The following ANAPC5 variants were observed in gnomAD, a reference collection of about 807,000 sequenced individuals.
ANAPC5 encodes the protein anaphase-promoting complex subunit 5.
ANAPC5 carries 60 observed loss-of-function variants against 91.3 expected under a neutral mutation model. The observed-to-expected ratio is 0.66, with a 90% CI of 0.53 to 0.81. The LOEUF (loss-of-function observed/expected upper bound fraction) is 0.81. Among genes scored for constraint, ANAPC5 ranks in the 40% least tolerant of loss-of-function variants. The pLI is 0.00. For missense variants in ANAPC5, 690 were observed against 931.5 expected, an observed-to-expected ratio of 0.74 and a Z score of 3.37; for synonymous variants, 340 against 364.1, an observed-to-expected ratio of 0.93 and a Z score of 0.75.
rs1446322594 is a variant in ANAPC5 at position 121,342,260 on chromosome 12, G to A, written c.591-191C>T. 6.6e-6 allele frequency among the ~76,000 whole-genome samples: 1 copy of A among 152,192 alleles called. No individual in the cohort carries two copies. The highest frequency in any genetic ancestry group is 2.4e-5 in the African/African-American group (1 of 41,454). The stretch of plus-strand genomic sequence containing the variant: ...AGAGCCCATAAAGAAGCCCTGGCAT[G>A]CATGGTCAAATGGTTTTTGGCAACA... On this transcript the variant is annotated intron_variant, in intron 4 of 16. Coordinates refer to ENST00000261819, the MANE Select transcript of ANAPC5 (RefSeq NM_016237.5). The surrounding 1 kb of genome is among the most constrained non-coding windows in gnomAD (Gnocchi z 4.1).
intron 2 of ANAPC5, 144 bp downstream of exon 2, chr12:121,347,658 A>G (rs1903723060): frequency 1.6e-6 from 1 of 642,074 alleles, no homozygotes; most frequent in Non-Finnish European, 2.7e-6. Context: ...ATTTTTCAAC[A>G]AAACAGAATT....
chr12:121,320,568 A>G, intron 11 of ANAPC5, 109 bp from the exon 12 acceptor site: 1 of 814,800 alleles, frequency 1.2e-6, no homozygotes, highest in African/African-American at 1.7e-5. Context: ...TGATGCAGCA[A>G]CCTGAGAGAT....
intron 16 of ANAPC5, 89 bp downstream of exon 16, chr12:121,309,612 C>T: frequency 6.9e-7 from 1 of 1,456,702 alleles, no homozygotes; most frequent in Non-Finnish European, 9.2e-7. Flanking sequence ...AATGCTGTCC[C>T]AAATTTAATG....
chr12:121,333,083 A>ACGCG (rs1903103022), intron 7 of ANAPC5: 1 of 152,238 alleles, frequency 6.6e-6, no homozygotes, highest in African/African-American at 2.4e-5. Context: ...TGGGAGGCCG[A>ACGCG]GGCAGGTGGA....
chr12:121,343,040 T>A (rs751428382), intron 4 of ANAPC5, among the ~76,000 whole-genome samples: 1 of 152,332 alleles, frequency 6.6e-6, no homozygotes, highest in Non-Finnish European at 1.5e-5. Context: ...ATTTTCACGA[T>A]GAAATTCAGT....
chr12:121,315,494 A>G lies in ANAPC5; in HGVS notation c.1893+2783T>C, dbSNP rs138450820. ...CTGAATAGCCAAAACAATCCTGAAA[A>G]AGAACAAAGACTCCCACTTCCTGAT... On this transcript the variant is annotated intron_variant, in intron 15 of 16. Transcript: ENST00000261819. Among the ~76,000 whole-genome samples, 837 of 130,730 alleles carry G rather than the reference A, an allele frequency of 6.4e-3. 3 individuals are homozygous for G. Among genetic ancestry groups the G allele is most frequent in the Non-Finnish European group, 9.0e-3 (606 of 67,216 alleles). 85.8% of individuals were successfully genotyped at this position (130,730 alleles called of 152,430 possible). A position where few individuals can be genotyped will look rare whatever the true frequency, so the allele number is the denominator to read the frequency against.
intron 11 of ANAPC5, 97 bp downstream of exon 11, chr12:121,326,999 G>A: frequency 3.4e-6 from 5 of 1,459,290 alleles, no homozygotes; most frequent in Non-Finnish European, 4.5e-6. Context: ...GAGCAGAACT[G>A]TCCAACACGT....
chr12:121,351,444 C>T (rs1903888491), intron 1 of ANAPC5, among the ~76,000 whole-genome samples: 1 of 151,722 alleles, frequency 6.6e-6, no homozygotes. Context: ...TCAATCAGTG[C>T]TCGTCCTTGG....
rs573510864 is a variant in ANAPC5 at position 121,342,282 on chromosome 12, A to G, written c.591-213T>C. Among the ~76,000 whole-genome samples the G allele has an allele frequency of 6.6e-6, 1 of 152,314 alleles. No homozygotes were observed. Among genetic ancestry groups the G allele is most frequent in the South Asian group, 2.1e-4 (1 of 4,826 alleles). ...CATGCATGGTCAAATGGTTTTTGGC[A>G]ACAGTGCCAAGACCATTTGATAGGG... On this transcript the variant is annotated intron_variant, in intron 4 of 16. Transcript: ENST00000261819. This position sits in a 1 kb window ranked among gnomAD's most constrained non-coding sequence, Gnocchi z 4.1.
chr12:121,328,583 A>G (rs1902907836), intron 9 of ANAPC5, 86 bp from the exon 10 acceptor site: 1 of 1,246,800 alleles, frequency 8.0e-7, no homozygotes, highest in Non-Finnish European at 1.1e-6. Flanking sequence ...TGGATTTCAC[A>G]TTTCAGCACA....
rs782082076 is a variant in ANAPC5 at position 121,337,348 on chromosome 12, A to T, written c.702T>A (p.Ala234=). 3 of 1,613,950 alleles carry T rather than the reference A, an allele frequency of 1.9e-6. No homozygotes were observed. The change falls in exon 6 of 17, where the codon GCT becomes GCA. Residue 234 remains alanine, a synonymous_variant. Transcript: ENST00000261819. ...AATTGTTTAATTCCTTCTGCAAGGA[A>T]GCTGGAGTGAGGGCCTTAGTCTCAT... ...KNDETKALTP[A]SLQKELNNLL...
chr12:121,353,569 T>C (rs1160076213), upstream of ANAPC5, among the ~76,000 whole-genome samples: 3 of 151,876 alleles, frequency 2.0e-5, no homozygotes, highest in East Asian at 1.9e-4. Flanking sequence ...GCCTACCGAG[T>C]AGCTGGGACT....
intron 6 of ANAPC5, 79 bp from the exon 7 acceptor site, chr12:121,335,802 C>T (rs1903213103): frequency 5.8e-6 from 7 of 1,206,620 alleles, no homozygotes; most frequent in South Asian, 5.7e-5. Context: ...GTTCCACTGT[C>T]TACAAACACT....
At chr12:121,340,911 T>C (rs1555274033) in intron 5 of ANAPC5, among the ~76,000 whole-genome samples, 1 of 151,822 alleles carries the variant, frequency 6.6e-6, no homozygotes. Context: ...AGAAAGCTCA[T>C]AACAAAATTA....
Position 121,341,996 on chromosome 12 carries a change from C to A in ANAPC5, c.657+7G>T. The A allele has an allele frequency of 6.2e-7, 1 of 1,602,620 alleles. No individual in the cohort carries two copies. Among genetic ancestry groups the A allele is most frequent in the South Asian group, 1.1e-5 (1 of 90,308 alleles). On this transcript the variant is annotated splice_region_variant and intron_variant, in intron 5 of 16. Coordinates refer to ENST00000261819, the MANE Select transcript of ANAPC5 (RefSeq NM_016237.5). Reference sequence around the variant, plus strand: ...GAAGTTCATGATAAATTACAGAATTCACATACCTGTTGAGAAAGAAAAAAT... The same window carrying A: ...GAAGTTCATGATAAATTACAGAATTAACATACCTGTTGAGAAAGAAAAAAT...
intron 15 of ANAPC5, chr12:121,310,164 G>C (rs1230327054): frequency 9.9e-6 from 2 of 202,008 alleles, no homozygotes; most frequent in African/African-American, 4.6e-5. Flanking sequence ...AACTAGGTGG[G>C]AGAAAGGTAA....
Position 121,318,345 on chromosome 12 carries a change from C to T in ANAPC5, c.1825G>A (p.Ala609Thr). 1.2e-6 allele frequency: 2 copies of T among 1,610,094 alleles called. No individual in the cohort carries two copies. The highest frequency in any genetic ancestry group is 1.7e-6 in the Non-Finnish European group (2 of 1,178,340). The stretch of plus-strand genomic sequence containing the variant: ...TGTAACCGGTACTCCTTGGAGAGGG[C>T]CAGAGCCTGCAGGAGCATGGGCAGC... The part of the protein sequence containing the change: ...IALPMLLQAL[A>T]LSKEYRLQYL... The change falls in exon 15 of 17, where the codon GCC becomes ACC. Residue 609 changes from alanine to threonine, a missense_variant. Transcript: ENST00000261819.
chr12:121,314,843 CTGGTCT>C (rs1486175270), intron 15 of ANAPC5, among the ~76,000 whole-genome samples: 1 of 152,076 alleles, frequency 6.6e-6, no homozygotes, highest in Admixed American at 6.6e-5. Flanking sequence ...GTTGTCCAGG[CTGGTCT>C]CGAACTCCTG....
At chr12:121,341,824 A>T (rs1903470745) in intron 5 of ANAPC5, among the ~76,000 whole-genome samples, 179 bp downstream of exon 5, 1 of 152,166 alleles carries the variant, frequency 6.6e-6, no homozygotes, top group Admixed American at 6.5e-5. Flanking sequence ...CAAAATAGGA[A>T]GGGGCACAGA....
Sources: allele counts gnomAD v4.1 joint callset (sites outside exome capture counted in the v4.1 genomes callset), GRCh38; gene constraint gnomAD v4.1.1; non-coding constraint Gnocchi (gnomAD v3.1); transcripts MANE v1.5; gene names NCBI Gene and HGNC (gene_info 2026-07-23, HGNC 2026-07-21).